The following PSME3IP1 variants were observed in gnomAD, a reference collection of about 807,000 sequenced individuals.
PSME3IP1 encodes PSME3-interacting protein.
A neutral mutation model predicts 34.1 loss-of-function variants in PSME3IP1; 13 were observed. The observed-to-expected ratio is 0.38, with a 90% CI of 0.25 to 0.61. The LOEUF (loss-of-function observed/expected upper bound fraction) is 0.61. Among genes scored for constraint, PSME3IP1 ranks in the 20% least tolerant of loss-of-function variants. The pLI, the probability that PSME3IP1 is intolerant of heterozygous loss-of-function variation, is 0.60. For synonymous variants in PSME3IP1, 93 were observed against 114.3 expected (o/e 0.81, Z 1.19); for missense variants, 237 against 301.4 (o/e 0.79, Z 1.58).
chr16:57,163,075 G>A (rs1399141601), intron 6 of PSME3IP1, among the ~76,000 whole-genome samples: 1 of 152,142 alleles, frequency 6.6e-6, no homozygotes, highest in Non-Finnish European at 1.5e-5. Context: ...TGAGGCAGGA[G>A]AATTACTTGA....
At chr16:57,180,527 T>C (rs1255818069) in intron 1 of PSME3IP1, among the ~76,000 whole-genome samples, 1 of 151,936 alleles carries the variant, frequency 6.6e-6, no homozygotes, top group Non-Finnish European at 1.5e-5. Context: ...GAGGCGAAGG[T>C]TGCAGTGAAC....
chr16:57,172,666 T>C (rs2072722858), intron 3 of PSME3IP1, 110 bp downstream of exon 3: 1 of 912,142 alleles, frequency 1.1e-6, no homozygotes, highest in South Asian at 1.4e-5. Context: ...ATCCGGAGAC[T>C]CGAAAATCAA....
intron 3 of PSME3IP1, 68 bp downstream of exon 3, chr16:57,172,708 G>A (rs1438777395): frequency 8.4e-7 from 1 of 1,196,910 alleles, no homozygotes; most frequent in African/African-American, 1.5e-5. Flanking sequence ...GAAAAGTGCT[G>A]CACAAGGCAA....
chr16:57,163,780 GT>G (rs1244809320), intron 6 of PSME3IP1, among the ~76,000 whole-genome samples: 2 of 152,216 alleles, frequency 1.3e-5, no homozygotes, highest in African/African-American at 2.4e-5. Flanking sequence ...AGTTTCACTG[GT>G]TTCTAATATA....
intron 1 of PSME3IP1, among the ~76,000 whole-genome samples, chr16:57,182,612 ATTTTTTTT>A (rs550199855): frequency 9.5e-6 from 1 of 105,258 alleles, no homozygotes. Context: ...GCCAACTAAG[ATTTTTTTT>A]TTTTTTTTTT....
At chr16:57,172,998 G>T in intron 2 of PSME3IP1, 124 bp from the exon 3 acceptor site, 1 of 670,026 alleles carries the variant, frequency 1.5e-6, no homozygotes. Flanking sequence ...CATGATCTGA[G>T]GGTGTGGATA....
In PSME3IP1 at chr16:57,167,142, T is replaced by G; in HGVS notation, c.433A>C (p.Asn145His). 1.2e-6 allele frequency: 2 copies of G among 1,614,206 alleles called. No individual in the cohort carries two copies. The highest frequency in any genetic ancestry group is 1.7e-6 in the Non-Finnish European group (2 of 1,180,052). Residue 145 changes from asparagine (N) to histidine (H), a missense_variant, in exon 5 of 7, where the codon AAC (asparagine) becomes CAC (histidine). By Grantham distance (68) the Asn-to-His change is moderately conservative (BLOSUM62 1). Coordinates refer to ENST00000309137, the MANE Select transcript of PSME3IP1 (RefSeq NM_024946.4). ...KLTVKPIETK[N>H]KFSQAKLLAG... Reference sequence around the variant, plus strand: ...AACAGCTTCGCCTGGGAGAACTTGTTCTTGGTTTCTATAGGCTTCACAGTC... The same window carrying G: ...AACAGCTTCGCCTGGGAGAACTTGTGCTTGGTTTCTATAGGCTTCACAGTC...
At chr16:57,178,195 T>C (rs955163862) in intron 1 of PSME3IP1, among the ~76,000 whole-genome samples, 2 of 152,244 alleles carry the variant, frequency 1.3e-5, no homozygotes, top group Non-Finnish European at 2.9e-5. Flanking sequence ...ATTCTCTGCA[T>C]GGCTTTGCTC....
intron 6 of PSME3IP1, among the ~76,000 whole-genome samples, chr16:57,156,209 G>A (rs542573343): frequency 3.3e-5 from 5 of 152,334 alleles, no homozygotes; most frequent in East Asian, 3.9e-4. Context: ...GCTTAGGGCA[G>A]AAAATGTGAA....
intron 5 of PSME3IP1, among the ~76,000 whole-genome samples, chr16:57,165,376 A>G (rs1358482486): frequency 1.3e-5 from 2 of 152,310 alleles, no homozygotes; most frequent in East Asian, 3.9e-4. Context: ...GAAAATTTAT[A>G]GCTTCAGATG....
chr16:57,173,624 G>T (rs147281221), intron 2 of PSME3IP1, 104 bp downstream of exon 2: 10 of 1,400,208 alleles, frequency 7.1e-6, no homozygotes, highest in Non-Finnish European at 8.7e-6. Flanking sequence ...GTGAGACTCC[G>T]TCTCAAAAAA....
At chr16:57,180,569 G>C (rs528337376) in intron 1 of PSME3IP1, among the ~76,000 whole-genome samples, 3 of 151,222 alleles carry the variant, frequency 2.0e-5, no homozygotes, top group Non-Finnish European at 2.9e-5. Context: ...TCCAGCCTGG[G>C]CAATAGAGCA....
At chr16:57,171,939 G>A (rs2072631721) in intron 4 of PSME3IP1, among the ~76,000 whole-genome samples, 1 of 152,134 alleles carries the variant, frequency 6.6e-6, no homozygotes, top group African/African-American at 2.4e-5. Flanking sequence ...AAAACTCAGA[G>A]CCCAATTTCT....
rs1238821799 is a variant in PSME3IP1, at chr16:57,173,735, A to C, written c.120T>G (p.Asp40Glu). The C allele has an allele frequency of 7.4e-6, 12 of 1,613,820 alleles. No individual in the cohort carries two copies. The highest frequency in any genetic ancestry group is 1.7e-5 in the Admixed American group (1 of 60,018). Reference protein sequence around the residue: ...EEWEKVRKPEDPEECPEEVYD... With the variant: ...EEWEKVRKPEEPEECPEEVYD... ...CTGACTGTCACAGTATACCTTCTGG[A>C]TCTTCAGGTTTTCGAACTTTCTCCC... is the stretch of plus-strand genomic sequence containing the variant. The change falls in exon 2 of 7, where the codon GAT (aspartate) becomes GAG (glutamate). Residue 40 changes from aspartate (D) to glutamate (E), a missense_variant. By Grantham distance (45) the Asp-to-Glu change is conservative. Transcript: ENST00000309137.
chr16:57,175,259 C>T (rs1402525231), intron 1 of PSME3IP1, among the ~76,000 whole-genome samples: 3 of 152,132 alleles, frequency 2.0e-5, no homozygotes, highest in East Asian at 1.9e-4. Context: ...GTGATCTGCC[C>T]GCCTAGGCCT....
At chr16:57,163,606 TACA>T in intron 6 of PSME3IP1, among the ~76,000 whole-genome samples, 1 of 152,296 alleles carries the variant, frequency 6.6e-6, no homozygotes, top group South Asian at 2.1e-4. Flanking sequence ...CTCAATCCAG[TACA>T]ACAATGAGCA....
intron 1 of PSME3IP1, among the ~76,000 whole-genome samples, chr16:57,180,330 C>G (rs2073578503): frequency 6.6e-6 from 1 of 152,100 alleles, no homozygotes; most frequent in African/African-American, 2.4e-5. Flanking sequence ...TGGCTCACAC[C>G]TGTAATCCTA....
chr16:57,156,833 C>T (rs909516191), intron 6 of PSME3IP1, among the ~76,000 whole-genome samples: 3 of 152,154 alleles, frequency 2.0e-5, no homozygotes, highest in South Asian at 4.1e-4. Context: ...ATGTTAGGAA[C>T]AGCAAACTTC....
rs771231318 is a variant in PSME3IP1, at chr16:57,154,329, G to A, written c.726C>T (p.Ser242=). The change falls in exon 7 of 7, where the codon TCC becomes TCT. Residue 242 remains serine (S), a synonymous_variant. Coordinates refer to ENST00000309137, the MANE Select transcript of PSME3IP1 (RefSeq NM_024946.4). The surrounding 1 kb of genome is among the most constrained non-coding windows in gnomAD (Gnocchi z 4.0). ...GGAAGGTGTTGGTTCGGAAGATGGAGGAGACAATCTTTCCGGTGGCATTGA... is the reference window on the plus strand; with the variant it reads ...GGAAGGTGTTGGTTCGGAAGATGGAAGAGACAATCTTTCCGGTGGCATTGA... ...GTINATGKIV[S]SIFRTNTFLE... 8 of 1,613,928 alleles carry A rather than the reference G, an allele frequency of 5.0e-6. No individual in the cohort carries two copies. The South Asian group carries it at 8.8e-5, about 18-fold the overall frequency.
Sources: gnomAD v4.1 joint callset for allele counts (sites outside exome capture counted in the v4.1 genomes callset) on GRCh38, gnomAD v4.1.1 for gene constraint, Gnocchi (gnomAD v3.1) non-coding constraint, MANE v1.5 for transcripts, NCBI Gene and HGNC (gene_info 2026-07-23, HGNC 2026-07-21) for gene names.